Variants in CEP83 observed in about 807,000 individuals in gnomAD.
CEP83 encodes centrosomal protein 83, also known as centrosomal protein of 83 kDa.
CEP83 carries 70 observed loss-of-function variants against 101.9 expected under a neutral mutation model. That is an observed-to-expected ratio of 0.69 (90% CI 0.57 to 0.84). The LOEUF (loss-of-function observed/expected upper bound fraction) is 0.84, where lower values mean the gene tolerates loss of function less well. Among genes scored for constraint, CEP83 ranks in the 40% least tolerant of loss-of-function variants. CEP83 has a pLI of 0.00. For synonymous variants in CEP83, 264 were observed against 267.9 expected (o/e 0.99, Z 0.14); for missense variants, 715 against 787.2 (o/e 0.91, Z 1.10).
chr12:94,367,295 T>C (rs1345920192), intron 11 of CEP83, among the ~76,000 whole-genome samples: 1 of 152,140 alleles, frequency 6.6e-6, no homozygotes, highest in Non-Finnish European at 1.5e-5. Context: ...AGATACCACC[T>C]TAACCAAGTG....
chr12:94,304,249 C>T, downstream of CEP83: 2 of 471,710 alleles, frequency 4.2e-6, no homozygotes, highest in Non-Finnish European at 3.8e-6. Context: ...TATCATGCTG[C>T]CCACATTTGG....
rs546181093 is a variant in CEP83 at position 94,399,332 on chromosome 12, TAGAA to T, written c.549+1514_549+1517del. 3.9e-5 allele frequency among the ~76,000 whole-genome samples: 6 copies of T among 152,270 alleles called. 1 individual carries two copies. The South Asian group carries it at 1.2e-3, about 32-fold the overall frequency. ...TCAGCCGGCCAACACTTACAGAAAA[TAGAA>T]AGAACCTACATTGAAATATTGGGGG... On this transcript the variant is annotated intron_variant, in intron 6 of 16. Transcript: ENST00000397809.
chr12:94,450,085 CT>C (rs779587595), intron 1 of CEP83, among the ~76,000 whole-genome samples: 33 of 152,152 alleles, frequency 2.2e-4, no homozygotes, highest in Non-Finnish European at 3.8e-4. Flanking sequence ...TGTTTTCCCC[CT>C]AAGACTGGGA....
intron 11 of CEP83, among the ~76,000 whole-genome samples, chr12:94,348,416 A>G (rs2060041363): frequency 6.6e-6 from 1 of 152,128 alleles, no homozygotes; most frequent in South Asian, 2.1e-4. Flanking sequence ...AAAAAGCTAG[A>G]TAAGTGGGTG....
chr12:94,401,887 A>G (rs1342577158), intron 5 of CEP83, among the ~76,000 whole-genome samples: 4 of 152,214 alleles, frequency 2.6e-5, no homozygotes, highest in African/African-American at 9.6e-5. Flanking sequence ...TAGAAAGATC[A>G]TATTATCAAG....
chr12:94,368,572 AT>A (rs1593464927), intron 9 of CEP83: 1 of 163,150 alleles, frequency 6.1e-6, no homozygotes, highest in Non-Finnish European at 1.3e-5. Flanking sequence ...AAGCTGGCTG[AT>A]AGCAGAGTGA....
chr12:94,311,814 T>G (rs1969912449), intron 15 of CEP83, among the ~76,000 whole-genome samples: 1 of 152,288 alleles, frequency 6.6e-6, no homozygotes, highest in South Asian at 2.1e-4. Context: ...AATTTCAAAA[T>G]CACTCAAAAT....
intron 6 of CEP83, among the ~76,000 whole-genome samples, chr12:94,380,650 T>C (rs1410480354): frequency 6.6e-6 from 1 of 152,210 alleles, no homozygotes; most frequent in African/African-American, 2.4e-5. Context: ...AGAGGTGTGA[T>C]GGCTCATCTA....
intron 11 of CEP83, among the ~76,000 whole-genome samples, chr12:94,362,390 C>T (rs1040836517): frequency 9.9e-5 from 15 of 152,140 alleles, no homozygotes; most frequent in Admixed American, 7.9e-4. Flanking sequence ...GAGGCCAAGG[C>T]AGGTGGATCA....
chr12:94,421,121 C>G (rs1372376131), intron 2 of CEP83, among the ~76,000 whole-genome samples: 1 of 152,048 alleles, frequency 6.6e-6, no homozygotes, highest in Non-Finnish European at 1.5e-5. Flanking sequence ...GCTTACTGCA[C>G]CATCAATCTC....
At chr12:94,278,030 G>A in the CEP83 span, 1 of 455,974 alleles carries the variant, frequency 2.2e-6, no homozygotes, top group East Asian at 7.0e-5. Context: ...CACAGTACTT[G>A]GGGACCTCCT....
At chr12:94,300,015 G>T in the CEP83 span, among the ~76,000 whole-genome samples, 34,528 of 152,076 alleles carry the variant, frequency 0.23, 4,238 homozygotes, top group South Asian at 0.29. Flanking sequence ...GGGAGGTAAT[G>T]AGCTAGGCCA....
chr12:94,270,437 A>C, the CEP83 span, among the ~76,000 whole-genome samples: 1 of 152,206 alleles, frequency 6.6e-6, no homozygotes, highest in South Asian at 2.1e-4. Flanking sequence ...AGAGCTTGAC[A>C]TAGTAGAGAA....
chr12:94,424,295 C>T (rs1325152294), intron 2 of CEP83: 21 of 1,614,030 alleles, frequency 1.3e-5, no homozygotes, highest in Middle Eastern at 1.6e-4. Context: ...TTGGTTCTGT[C>T]GTTTCTTTGG....
In CEP83 at chr12:94,308,687, T is replaced by G; in HGVS notation, c.*126A>C. 1 of 642,898 alleles carries G rather than the reference T, an allele frequency of 1.6e-6. No individual in the cohort carries two copies. 39.8% of individuals were successfully genotyped at this position (642,898 alleles called of 1,614,324 possible). On this transcript the variant is annotated 3_prime_UTR_variant, in exon 17 of 17. Coordinates refer to ENST00000397809, the MANE Select transcript of CEP83 (RefSeq NM_016122.3). ...TACAATACAGCATGTAGTAGGTACC[T>G]TTTCTTGAGGCACATTCAAGTGTTT...
chr12:94,402,994 A>C, intron 5 of CEP83, 176 bp downstream of exon 5: 1 of 399,482 alleles, frequency 2.5e-6, no homozygotes, highest in African/African-American at 2.1e-5. Flanking sequence ...ATGTGGAAAA[A>C]GGAAAGGAGA....
intron 6 of CEP83, among the ~76,000 whole-genome samples, chr12:94,391,189 G>T (rs966409170): frequency 2.0e-5 from 3 of 152,148 alleles, no homozygotes; most frequent in Non-Finnish European, 4.4e-5. Context: ...ATGCACCAAG[G>T]TTGAAATGAA....
intron 7 of CEP83, among the ~76,000 whole-genome samples, chr12:94,376,224 T>C (rs1342290182): frequency 1.3e-5 from 2 of 152,170 alleles, no homozygotes; most frequent in Admixed American, 6.5e-5. Context: ...CAAAGGCATC[T>C]AGACAAACAA....
chr12:94,400,988 G>T lies in CEP83; in HGVS notation c.418-7C>A. 7.5e-7 allele frequency: 1 copy of T among 1,342,214 alleles called. No individual in the cohort carries two copies. Among genetic ancestry groups the T allele is most frequent in the Non-Finnish European group, 9.7e-7 (1 of 1,029,766 alleles). The allele number at this position is 1,342,214 out of a possible 1,614,324, so 83.1% of individuals were successfully genotyped here. On this transcript the variant is annotated splice_polypyrimidine_tract_variant and splice_region_variant and intron_variant, in intron 5 of 16. Coordinates refer to ENST00000397809, the MANE Select transcript of CEP83 (RefSeq NM_016122.3). Reference sequence around the variant, plus strand: ...CTCTATACTTTTCTACCTCCTAAAGGGAGAATGCATTTATCATAGATTTAT... The same window carrying T: ...CTCTATACTTTTCTACCTCCTAAAGTGAGAATGCATTTATCATAGATTTAT...
Sources: allele counts gnomAD v4.1 joint callset (sites outside exome capture counted in the v4.1 genomes callset), GRCh38; gene constraint gnomAD v4.1.1; transcripts MANE v1.5; gene names NCBI Gene and HGNC (gene_info 2026-07-23, HGNC 2026-07-21).